WHAMM: variants seen among roughly 807,000 people sequenced by gnomAD.
WHAMM encodes WASP homolog associated with actin, golgi membranes and microtubules, also known as WASP homolog-associated protein with actin, membranes and microtubules.
Under a neutral mutation model 76.5 loss-of-function variants are expected in WHAMM, and 67 were observed. The ratio of observed to expected loss-of-function variants is 0.88; its 90% CI spans 0.72 to 1.07. The LOEUF (loss-of-function observed/expected upper bound fraction) is 1.07, where lower values mean the gene tolerates loss of function less well. Ranked by LOEUF, WHAMM falls within the 50% of genes least tolerant of loss-of-function variation. The pLI, the probability that WHAMM is intolerant of heterozygous loss-of-function variation, is 0.00. For synonymous variants in WHAMM, 419 were observed against 422.1 expected, an observed-to-expected ratio of 0.99 and a Z score of 0.09; for missense variants, 1,021 against 1,051.1, an observed-to-expected ratio of 0.97 and a Z score of 0.40.
At chr15:82,823,415 T>C (rs2050871345) in intron 6 of WHAMM, 128 bp downstream of exon 6, 2 of 764,946 alleles carry the variant, frequency 2.6e-6, no homozygotes, top group Non-Finnish European at 3.6e-6. Context: ...TATGTACTTA[T>C]CCATGGCTAT....
rs906238733 is a variant in WHAMM, at chr15:82,817,293, G to A, written c.934+451G>A. Among the ~76,000 whole-genome samples, 3 of 152,328 alleles carry A rather than the reference G, an allele frequency of 2.0e-5. No individual in the cohort carries two copies. The East Asian group carries it at 5.8e-4, about 29-fold the overall frequency. On this transcript the variant is annotated intron_variant, in intron 3 of 9. Coordinates refer to ENST00000286760, the MANE Select transcript of WHAMM (RefSeq NM_001080435.3). ...ATTAGGAGCTTAAAGAAAACCTGCGGGGCTGGATCGCAGAGAGTGCAGGAC... is the reference window on the plus strand; with the variant it reads ...ATTAGGAGCTTAAAGAAAACCTGCGAGGCTGGATCGCAGAGAGTGCAGGAC...
chr15:82,810,346 C>T lies in WHAMM; in HGVS notation c.609+11C>T, dbSNP rs953326019. The stretch of plus-strand genomic sequence containing the variant: ...GCGCGGCTGCGCCAGGTAAGCGAGG[C>T]CCGGTCGCCGGCGTTCGTCCGCGCT... On this transcript the variant is annotated intron_variant, in intron 1 of 9. Coordinates refer to ENST00000286760, the MANE Select transcript of WHAMM (RefSeq NM_001080435.3). 106 of 1,305,790 alleles carry T rather than the reference C, an allele frequency of 8.1e-5. No individual in the cohort carries two copies. The highest frequency in any genetic ancestry group is 9.7e-5 in the Non-Finnish European group (100 of 1,032,186). The allele number at this position is 1,305,790 out of a possible 1,614,324, so 80.9% of individuals were successfully genotyped here. A position where few individuals can be genotyped will look rare whatever the true frequency, so the allele number is the denominator to read the frequency against.
intron 5 of WHAMM, among the ~76,000 whole-genome samples, chr15:82,821,072 T>C (rs1596282531): frequency 2.6e-5 from 4 of 152,320 alleles, no homozygotes; most frequent in East Asian, 1.9e-4. Context: ...AAATTTTGTA[T>C]GTTTACGAGC....
Position 82,817,991 on chromosome 15 carries a change from T to C in WHAMM, c.1006T>C (p.Leu336=). ...QAAWATAIPR[L]EKLQLMLARE... Reference sequence around the variant, plus strand: ...TGCCTGGGCCACAGCAATTCCCAGGTTGGAAAAACTTCAGCTAATGCTAGC... The same window carrying C: ...TGCCTGGGCCACAGCAATTCCCAGGCTGGAAAAACTTCAGCTAATGCTAGC... The change falls in exon 4 of 10, where the codon TTG becomes CTG. Residue 336 remains leucine (L), a synonymous_variant. Coordinates refer to ENST00000286760, the MANE Select transcript of WHAMM (RefSeq NM_001080435.3). 1 of 1,548,762 alleles carries C rather than the reference T, an allele frequency of 6.5e-7. No homozygotes were observed. The highest frequency in any genetic ancestry group is 8.7e-7 in the Non-Finnish European group (1 of 1,146,262).
At position 82,810,322 on chromosome 15, in the gene WHAMM, C is replaced by T. The variant is rs776828818; in HGVS notation, c.596C>T (p.Ala199Val). 2.5e-5 allele frequency: 33 copies of T among 1,312,466 alleles called. No homozygotes were observed. Among genetic ancestry groups the T allele is most frequent in the Non-Finnish European group, 3.2e-5 (33 of 1,036,916 alleles). 81.3% of individuals were successfully genotyped at this position (1,312,466 alleles called of 1,614,324 possible). A position where few individuals can be genotyped will look rare whatever the true frequency, so the allele number is the denominator to read the frequency against. The part of the protein sequence containing the change: ...ALRARWVEAD[A>V]RLRQVIQGHG... ...CGCGCGCGGTGGGTCGAGGCGGACG[C>T]GCGGCTGCGCCAGGTAAGCGAGGCC... is the stretch of plus-strand genomic sequence containing the variant. Residue 199 changes from alanine to valine, a missense_variant, in exon 1 of 10, where the codon GCG becomes GTG. By Grantham distance (64) the Ala-to-Val change is moderately conservative. Coordinates refer to ENST00000286760, the MANE Select transcript of WHAMM (RefSeq NM_001080435.3).
At position 82,818,106 on chromosome 15, in the gene WHAMM, C is replaced by G. The variant is rs1300290041; in HGVS notation, c.1104+17C>G. On this transcript the variant is annotated intron_variant, in intron 4 of 9. Transcript: ENST00000286760. Reference sequence around the variant, plus strand: ...CAGGGAAAGGTAAGACAAAGATAAACATAACTTTGTTTTAAAAATACACTT... The same window carrying G: ...CAGGGAAAGGTAAGACAAAGATAAAGATAACTTTGTTTTAAAAATACACTT... The G allele has an allele frequency of 6.6e-7, 1 of 1,525,832 alleles. No homozygotes were observed. Among genetic ancestry groups the G allele is most frequent in the Admixed American group, 2.1e-5 (1 of 46,826 alleles). 94.5% of individuals were successfully genotyped at this position (1,525,832 alleles called of 1,614,324 possible).
chr15:82,824,683 C>T (rs997344741), intron 6 of WHAMM, among the ~76,000 whole-genome samples: 4 of 152,200 alleles, frequency 2.6e-5, no homozygotes, highest in African/African-American at 9.7e-5. Context: ...TCAGACTGGT[C>T]TTGAATTCCT....
intron 8 of WHAMM, 54 bp from the exon 9 acceptor site, chr15:82,830,545 A>G (rs1596288747): frequency 1.3e-6 from 2 of 1,570,758 alleles, no homozygotes; most frequent in East Asian, 2.3e-5. Flanking sequence ...AAGTTTCAGC[A>G]TTTTGATGGT....
intron 6 of WHAMM, among the ~76,000 whole-genome samples, chr15:82,824,162 CT>C (rs71156055): frequency 1.1e-3 from 127 of 117,974 alleles, no homozygotes; most frequent in Admixed American, 1.3e-3. Context: ...TACTTTTCTC[CT>C]TTTTTTTTTT....
rs370828769 is a variant in WHAMM, at chr15:82,828,538, G to C, written c.1641+1692G>C. 1.4e-4 allele frequency among the ~76,000 whole-genome samples: 21 copies of C among 152,328 alleles called. 1 individual carries two copies. The East Asian group carries it at 3.7e-3, about 27-fold the overall frequency. On this transcript the variant is annotated intron_variant, in intron 8 of 9. Transcript: ENST00000286760. ...ATCACCAAGAGAGTTTCGATGAACA[G>C]AATGGAGTCAGTGTGGAGGAAGGGA...
chr15:82,818,170 T>C, intron 4 of WHAMM, 81 bp downstream of exon 4: 10 of 1,432,986 alleles, frequency 7.0e-6, no homozygotes, highest in Non-Finnish European at 7.5e-6. Flanking sequence ...AGGATACAAG[T>C]GCAGTTTTTG....
rs772348999 is a variant in WHAMM, at chr15:82,822,962, CAT to C, written c.1271-135_1271-134del. ...TGTGTGCATGTATATTACATATACA[CAT>C]ATTTTTCATATATGTTAATAGTGCT... On this transcript the variant is annotated intron_variant, in intron 5 of 9. Transcript: ENST00000286760. 4.5e-5 allele frequency: 29 copies of C among 643,278 alleles called. No homozygotes were observed. The East Asian group carries it at 5.3e-4, about 12-fold the overall frequency. 39.8% of individuals were successfully genotyped at this position (643,278 alleles called of 1,614,324 possible).
At chr15:82,815,111 T>TTA (rs147147568) in intron 2 of WHAMM, among the ~76,000 whole-genome samples, 1,231 of 49,510 alleles carry the variant, frequency 0.025, 26 homozygotes, top group Non-Finnish European at 0.032. Flanking sequence ...CTCACAGATT[T>TTA]TATATATATA....
At chr15:82,813,691 C>A (rs983172770) in intron 2 of WHAMM, among the ~76,000 whole-genome samples, 13 of 122,256 alleles carry the variant, frequency 1.1e-4, no homozygotes, top group South Asian at 5.7e-4. Context: ...GACAGGGTCT[C>A]CCTTTGTCAG....
chr15:82,826,862 A>AGAG lies in WHAMM; in HGVS notation c.1641+16_1641+17insGAG. The AGAG allele has an allele frequency of 2.6e-6, 4 of 1,512,998 alleles. No homozygotes were observed. Among genetic ancestry groups the AGAG allele is most frequent in the East Asian group, 2.5e-5 (1 of 39,954 alleles). 93.7% of individuals were successfully genotyped at this position (1,512,998 alleles called of 1,614,324 possible). A position where few individuals can be genotyped will look rare whatever the true frequency, so the allele number is the denominator to read the frequency against. On this transcript the variant is annotated intron_variant, in intron 8 of 9. Coordinates refer to ENST00000286760, the MANE Select transcript of WHAMM (RefSeq NM_001080435.3). ...ATTTAAAGATGTAAGTTCTATAAAC[A>AGAG]ATCACCTCATCTACACTTCTGGGGA... is the stretch of plus-strand genomic sequence containing the variant.
chr15:82,830,605 C>G lies in WHAMM; in HGVS notation c.1648C>G (p.Leu550Val), dbSNP rs746280641. 6.2e-7 allele frequency: 1 copy of G among 1,609,038 alleles called. No individual in the cohort carries two copies. Among genetic ancestry groups the G allele is most frequent in the Admixed American group, 1.7e-5 (1 of 59,918 alleles). ...CATGGTTTTTCATTTTCAGAAACGC[C>G]TAGCTCAATCTGTCCGAAACACCTC... ...QRLRSFKDKR[L>V]AQSVRNTSGS... Residue 550 changes from leucine (L) to valine (V), a missense_variant, in exon 9 of 10, where the codon CTA (leucine) becomes GTA (valine). Coordinates refer to ENST00000286760, the MANE Select transcript of WHAMM (RefSeq NM_001080435.3).
chr15:82,824,162 C>CTTTTTTTTTTTTTTTTTTTTTTTTTTT (rs71156055), intron 6 of WHAMM, among the ~76,000 whole-genome samples: 2 of 118,078 alleles, frequency 1.7e-5, no homozygotes, highest in African/African-American at 3.1e-5. Flanking sequence ...TACTTTTCTC[C>CTTTTTTTTTTTTTTTTTTTTTTTTTTT]TTTTTTTTTT....
In WHAMM at chr15:82,810,312, G is replaced by A; in HGVS notation, c.586G>A (p.Glu196Lys). 1.5e-6 allele frequency: 2 copies of A among 1,318,304 alleles called. 1 individual carries two copies. Among genetic ancestry groups the A allele is most frequent in the South Asian group, 4.3e-5 (2 of 46,980 alleles). 81.7% of individuals were successfully genotyped at this position (1,318,304 alleles called of 1,614,324 possible). ...GCGGGCCTTGCGCGCGCGGTGGGTC[G>A]AGGCGGACGCGCGGCTGCGCCAGGT... is the stretch of plus-strand genomic sequence containing the variant. ...RERALRARWVEADARLRQVIQ... is the reference protein window; with the variant it reads ...RERALRARWVKADARLRQVIQ... Residue 196 changes from glutamate to lysine, a missense_variant, in exon 1 of 10, where the codon GAG becomes AAG. By Grantham distance (56) the Glu-to-Lys change is moderately conservative. Around this residue, in one of 3 missense-constraint regions of WHAMM, gnomAD observed 501 missense variants for 524.9 expected, o/e 0.95. Coordinates refer to ENST00000286760, the MANE Select transcript of WHAMM (RefSeq NM_001080435.3).
intron 2 of WHAMM, 35 bp from the exon 3 acceptor site, chr15:82,816,657 G>A (rs2050731063): frequency 1.3e-6 from 2 of 1,525,098 alleles, no homozygotes; most frequent in Admixed American, 2.3e-5. Context: ...ATAACTATTA[G>A]CTCTTACTAA....
Sources: allele counts gnomAD v4.1 joint callset (sites outside exome capture counted in the v4.1 genomes callset), GRCh38; gene constraint gnomAD v4.1.1; regional missense constraint gnomAD v4.1.1; transcripts MANE v1.5; gene names NCBI Gene and HGNC (gene_info 2026-07-23, HGNC 2026-07-21).